Variants in CD109 observed in about 807,000 individuals in gnomAD.
CD109 encodes CD109 molecule.
A neutral mutation model predicts 165.8 loss-of-function variants in CD109; 149 were observed. The observed-to-expected ratio is 0.90, with a 90% CI of 0.79 to 1.03. The LOEUF (loss-of-function observed/expected upper bound fraction) is 1.03. Among genes scored for constraint, CD109 ranks in the 50% least tolerant of loss-of-function variants. CD109 has a pLI of 0.00. For synonymous variants in CD109, 585 were observed against 592.1 expected (o/e 0.99, Z 0.18); for missense variants, 1,712 against 1,677.8 (o/e 1.02, Z -0.36).
chr6:73,782,591 C>A, intron 17 of CD109, 23 bp from the exon 18 acceptor site: 2 of 1,601,626 alleles, frequency 1.2e-6, no homozygotes, highest in African/African-American at 2.7e-5. Context: ...GTTTTTCTAA[C>A]TACTGTCAAT....
chr6:73,747,972 T>C (rs1267856363), intron 5 of CD109, among the ~76,000 whole-genome samples: 1 of 151,828 alleles, frequency 6.6e-6, no homozygotes, highest in Non-Finnish European at 1.5e-5. Flanking sequence ...CGAGTTCAAG[T>C]GATCTTCCTG....
chr6:73,808,189 T>C lies in CD109; in HGVS notation c.3296T>C (p.Val1099Ala), dbSNP rs1234033902. Residue 1099 changes from valine to alanine, a missense_variant, in exon 26 of 33, where the codon GTG becomes GCG. By Grantham distance (64) the Val-to-Ala change is moderately conservative (BLOSUM62 0). Transcript: ENST00000287097. ...CTTATAACTTATGCATTGTCATCAG[T>C]GGGGAGTCCTAAAGCGAAGGAAGCT... ...LALITYALSS[V>A]GSPKAKEALN... 2.5e-6 allele frequency: 4 copies of C among 1,613,480 alleles called. No individual in the cohort carries two copies. Among genetic ancestry groups the C allele is most frequent in the Admixed American group, 3.3e-5 (2 of 59,964 alleles).
the CD109 span, among the ~76,000 whole-genome samples, chr6:73,686,207 C>A: frequency 6.6e-6 from 1 of 152,204 alleles, no homozygotes. Flanking sequence ...GAGTCCTCAG[C>A]ACTGGTGAAG....
rs1775021280 is a variant in CD109, at chr6:73,792,775, G to GA, written c.2856dup (p.Ala953SerfsTer29). ...GAAACAACTGACAGATAATTTGAAAGAAAAAGCTCTTTCATTTATGAGGCA... is the reference window on the plus strand; with the variant it reads ...GAAACAACTGACAGATAATTTGAAAGAAAAAAGCTCTTTCATTTATGAGGCA... On this transcript the variant is annotated frameshift_variant, in exon 23 of 33. Transcript: ENST00000287097. LOFTEE classifies it high-confidence loss of function. The GA allele has an allele frequency of 4.4e-6, 7 of 1,608,978 alleles. No individual in the cohort carries two copies. The highest frequency in any genetic ancestry group is 5.9e-6 in the Non-Finnish European group (7 of 1,179,190).
the CD109 span, among the ~76,000 whole-genome samples, chr6:73,689,325 G>A: frequency 1.3e-5 from 2 of 152,134 alleles, no homozygotes; most frequent in Non-Finnish European, 2.9e-5. Flanking sequence ...TAAGGTTGGG[G>A]GCAGTCTTAT....
intron 3 of CD109, among the ~76,000 whole-genome samples, chr6:73,723,672 A>G (rs1479280520): frequency 2.0e-5 from 3 of 152,186 alleles, no homozygotes; most frequent in African/African-American, 7.2e-5. Flanking sequence ...GTTCTCACTT[A>G]TAAGTGGGAG....
In CD109 at chr6:73,771,470, G is replaced by A; in HGVS notation, c.1716G>A (p.Glu572=). 1 of 1,608,106 alleles carries A rather than the reference G, an allele frequency of 6.2e-7. No individual in the cohort carries two copies. Among genetic ancestry groups the A allele is most frequent in the Non-Finnish European group, 8.5e-7 (1 of 1,178,112 alleles). The change falls in exon 15 of 33, where the codon GAG becomes GAA. Residue 572 remains glutamate, a synonymous_variant. Coordinates refer to ENST00000287097, the MANE Select transcript of CD109 (RefSeq NM_133493.5). ...GTAAAGTGAAAGCTGAACCATCTGA[G>A]AAAGTCTCTCTTAGGATCTCTGTGA... ...YWSKVKAEPS[E]KVSLRISVTQ...
intron 15 of CD109, among the ~76,000 whole-genome samples, chr6:73,779,962 TA>T (rs937841734): frequency 1.3e-5 from 2 of 152,174 alleles, no homozygotes; most frequent in East Asian, 1.9e-4. Flanking sequence ...TGAGGCTGAA[TA>T]TTTTTCTGCT....
Position 73,810,233 on chromosome 6 carries a change from A to ATATATATTTTATATATAATATATAG in CD109, c.3546+68_3546+92dup, listed in dbSNP as rs1321693425. On this transcript the variant is annotated intron_variant, in intron 27 of 32. Coordinates refer to ENST00000287097, the MANE Select transcript of CD109 (RefSeq NM_133493.5). Reference sequence around the variant, plus strand: ...AATATATAATATAGATTTATTTATTATATATATTTTATATATAATATATAG... The same window carrying ATATATATTTTATATATAATATATAG: ...AATATATAATATAGATTTATTTATTATATATATTTTATATATAATATATAGTATATATTTTATATATAATATATAG... The ATATATATTTTATATATAATATATAG allele has an allele frequency of 6.4e-4, 269 of 417,324 alleles. 2 individuals are homozygous for ATATATATTTTATATATAATATATAG. Among genetic ancestry groups the ATATATATTTTATATATAATATATAG allele is most frequent in the Non-Finnish European group, 7.2e-4 (198 of 274,938 alleles). 25.9% of individuals were successfully genotyped at this position (417,324 alleles called of 1,614,324 possible).
chr6:73,781,516 T>C (rs1774499472), intron 17 of CD109, among the ~76,000 whole-genome samples, 197 bp downstream of exon 17: 1 of 152,206 alleles, frequency 6.6e-6, no homozygotes, highest in Non-Finnish European at 1.5e-5. Context: ...TCTGAGCTCC[T>C]GTCTAGATAT....
At chr6:73,778,126 C>T (rs1029096652) in intron 15 of CD109, among the ~76,000 whole-genome samples, 2 of 152,104 alleles carry the variant, frequency 1.3e-5, no homozygotes, top group Non-Finnish European at 2.9e-5. Context: ...TCTTTTACCT[C>T]CCTAGTTAGC....
chr6:73,719,036 AT>A (rs1219173034), intron 2 of CD109, among the ~76,000 whole-genome samples: 2 of 152,234 alleles, frequency 1.3e-5, no homozygotes, highest in Non-Finnish European at 2.9e-5. Context: ...AATATATTTT[AT>A]TTAACCCAAT....
chr6:73,792,947 C>T, intron 23 of CD109, 145 bp downstream of exon 23: 1 of 608,438 alleles, frequency 1.6e-6, no homozygotes, highest in Non-Finnish European at 2.8e-6. Context: ...GCAGGAAGTG[C>T]AAACAATGGA....
At chr6:73,764,636 G>A (rs948311767) in intron 10 of CD109, among the ~76,000 whole-genome samples, 1 of 152,054 alleles carries the variant, frequency 6.6e-6, no homozygotes, top group Non-Finnish European at 1.5e-5. Context: ...CCAACATGGA[G>A]AAACCCCATC....
intron 31 of CD109, among the ~76,000 whole-genome samples, chr6:73,819,542 A>T (rs2150311099): frequency 6.6e-6 from 1 of 152,340 alleles, no homozygotes; most frequent in East Asian, 1.9e-4. Flanking sequence ...AGTTTTGCTA[A>T]GTATGAATCA....
intron 20 of CD109, among the ~76,000 whole-genome samples, chr6:73,785,973 A>G (rs1236533931): frequency 6.6e-6 from 1 of 151,860 alleles, no homozygotes; most frequent in Admixed American, 6.6e-5. Context: ...GCCTCCGAGT[A>G]GCTGGGATTA....
Position 73,823,536 on chromosome 6 carries a change from G to A in CD109, c.4241G>A (p.Arg1414His), listed in dbSNP as rs762963053. Residue 1414 changes from arginine to histidine, a missense_variant, in exon 33 of 33, where the codon CGT becomes CAT. Arg to His is a conservative substitution (Grantham distance 29). Coordinates refer to ENST00000287097, the MANE Select transcript of CD109 (RefSeq NM_133493.5). ...CTTTGCAGTGATGTCCAGGGCTGCC[G>A]TCCTTGTGAGGATGGAGCTTCAGGC... ...CDLCSDVQGC[R>H]PCEDGASGSH... 7.4e-6 allele frequency: 12 copies of A among 1,613,832 alleles called. No homozygotes were observed. Among genetic ancestry groups the A allele is most frequent in the South Asian group, 2.2e-5 (2 of 91,066 alleles).
intron 15 of CD109, 26 bp downstream of exon 15, chr6:73,771,607 G>T (rs761704726): frequency 1.1e-4 from 163 of 1,485,526 alleles, no homozygotes; most frequent in Non-Finnish European, 1.4e-4. Context: ...TTTTCATTAT[G>T]AAAATATGTA....
intron 2 of CD109, among the ~76,000 whole-genome samples, chr6:73,713,204 A>G (rs921681765): frequency 2.6e-5 from 4 of 152,124 alleles, no homozygotes; most frequent in African/African-American, 7.2e-5. Context: ...TCCAAGCTGT[A>G]TTTGTAAATT....
Sources: allele counts gnomAD v4.1 joint callset (sites outside exome capture counted in the v4.1 genomes callset), GRCh38; gene constraint gnomAD v4.1.1; transcripts MANE v1.5; gene names NCBI Gene and HGNC (gene_info 2026-07-23, HGNC 2026-07-21).